The following GALNT13 variants were observed in gnomAD, a reference collection of about 807,000 sequenced individuals.
The protein encoded by GALNT13 is UDP-GalNAc:polypeptide N-acetylgalactosaminyltransferase 13.
Under a neutral mutation model 64.2 loss-of-function variants are expected in GALNT13, and 28 were observed. That is an observed-to-expected ratio of 0.44 (90% CI 0.32 to 0.60). GALNT13 has a LOEUF of 0.60. GALNT13 is among the 20% of genes least tolerant of loss of function. GALNT13 has a pLI of 0.05. For missense variants in GALNT13, 577 were observed against 669.8 expected (o/e 0.86, Z 1.53); for synonymous variants, 214 against 224.6 (o/e 0.95, Z 0.42).
intron 3 of GALNT13, among the ~76,000 whole-genome samples, chr2:153,996,322 C>T (rs562496175): frequency 6.6e-6 from 1 of 152,240 alleles, no homozygotes; most frequent in Non-Finnish European, 1.5e-5. Context: ...TCTTTCTCCA[C>T]ACCCTTGCCA....
the GALNT13 span, among the ~76,000 whole-genome samples, chr2:153,096,507 T>G: frequency 5.9e-4 from 90 of 152,330 alleles, 1 homozygote; most frequent in South Asian, 5.0e-3. Context: ...TATTTCTCTC[T>G]TTAGCTCTAA....
the GALNT13 span, among the ~76,000 whole-genome samples, chr2:153,247,596 T>C: frequency 4.0e-5 from 6 of 151,866 alleles, no homozygotes; most frequent in Admixed American, 3.3e-4. Flanking sequence ...TAGCACTAAA[T>C]GCCCACATCA....
chr2:153,656,149 C>A, the GALNT13 span, among the ~76,000 whole-genome samples: 1 of 152,184 alleles, frequency 6.6e-6, no homozygotes, highest in Non-Finnish European at 1.5e-5. Flanking sequence ...CTTGCTAATT[C>A]TGCATGTATT....
the GALNT13 span, among the ~76,000 whole-genome samples, chr2:153,730,486 C>T: frequency 0.019 from 2,928 of 151,578 alleles, 95 homozygotes; most frequent in African/African-American, 0.067. Flanking sequence ...CTTTAAAGGT[C>T]CTATAGGAAA....
chr2:153,337,261 T>C, the GALNT13 span, among the ~76,000 whole-genome samples: 2 of 152,228 alleles, frequency 1.3e-5, no homozygotes, highest in Non-Finnish European at 2.9e-5. Context: ...ATAGTTTACT[T>C]AGAATCAGTG....
the GALNT13 span, among the ~76,000 whole-genome samples, chr2:153,797,724 C>G: frequency 5.9e-5 from 9 of 152,148 alleles, no homozygotes; most frequent in Non-Finnish European, 8.8e-5. Context: ...AGACAAGAAG[C>G]TTTGAAGTAA....
At chr2:154,166,861 G>T (rs898485103) in intron 4 of GALNT13, among the ~76,000 whole-genome samples, 6 of 151,978 alleles carry the variant, frequency 3.9e-5, no homozygotes, top group Non-Finnish European at 1.5e-5. Context: ...ATCATTCTGA[G>T]CAAACTATCG....
At chr2:153,184,326 C>A in the GALNT13 span, among the ~76,000 whole-genome samples, 1 of 152,096 alleles carries the variant, frequency 6.6e-6, no homozygotes, top group South Asian at 2.1e-4. Flanking sequence ...AATTTTGTAT[C>A]CAGAGACATT....
the GALNT13 span, among the ~76,000 whole-genome samples, chr2:153,519,493 G>A: frequency 6.6e-6 from 1 of 152,088 alleles, no homozygotes; most frequent in African/African-American, 2.4e-5. Context: ...CAGAAGCATT[G>A]TCTTTTTTTT....
intron 8 of GALNT13, among the ~76,000 whole-genome samples, chr2:154,279,298 G>A (rs1691829818): frequency 6.6e-6 from 1 of 152,092 alleles, no homozygotes; most frequent in Admixed American, 6.6e-5. Context: ...CTTAATACGA[G>A]TTCAGGAGAC....
intron 3 of GALNT13, among the ~76,000 whole-genome samples, chr2:154,036,853 C>T (rs1481109136): frequency 6.6e-6 from 1 of 151,936 alleles, no homozygotes; most frequent in Non-Finnish European, 1.5e-5. Flanking sequence ...ATCTTTGTTC[C>T]ACCCAAGGAA....
chr2:153,433,567 A>C, the GALNT13 span, among the ~76,000 whole-genome samples: 1 of 152,144 alleles, frequency 6.6e-6, no homozygotes, highest in Non-Finnish European at 1.5e-5. Flanking sequence ...GTAAAGTTTC[A>C]GACTTTAATA....
At chr2:153,227,661 C>T in the GALNT13 span, among the ~76,000 whole-genome samples, 41 of 152,234 alleles carry the variant, frequency 2.7e-4, no homozygotes, top group East Asian at 7.7e-4. Flanking sequence ...TTTTAGTATA[C>T]GCTTGGCTGC....
the GALNT13 span, among the ~76,000 whole-genome samples, chr2:153,388,892 T>C: frequency 1.3e-5 from 2 of 152,052 alleles, no homozygotes; most frequent in Admixed American, 1.3e-4. Flanking sequence ...CTGGGGTTGA[T>C]TGATTTAAAA....
chr2:153,467,346 G>A, the GALNT13 span, among the ~76,000 whole-genome samples: 493 of 152,008 alleles, frequency 3.2e-3, 6 homozygotes, highest in Non-Finnish European at 3.7e-3. Flanking sequence ...ATTTTTCTGC[G>A]TATCCCCTAT....
chr2:154,367,121 T>A (rs775345), intron 9 of GALNT13, among the ~76,000 whole-genome samples: 150,997 of 152,258 alleles, frequency 0.99, 74,891 homozygotes, highest in Middle Eastern at 1. Context: ...AATTCACTTT[T>A]TACAGTGTAG....
At chr2:153,272,360 C>A in the GALNT13 span, among the ~76,000 whole-genome samples, 2 of 151,636 alleles carry the variant, frequency 1.3e-5, no homozygotes, top group African/African-American at 4.8e-5. Flanking sequence ...TGCAGTCTAT[C>A]CAACTGACAA....
chr2:154,166,280 C>T (rs1013574067), intron 4 of GALNT13, among the ~76,000 whole-genome samples: 1 of 152,120 alleles, frequency 6.6e-6, no homozygotes, highest in African/African-American at 2.4e-5. Flanking sequence ...TGGCATGTGC[C>T]TGTAATCCTA....
the GALNT13 span, among the ~76,000 whole-genome samples, chr2:153,279,042 T>G: frequency 3.3e-5 from 5 of 152,190 alleles, no homozygotes; most frequent in Non-Finnish European, 7.4e-5. Context: ...TCATTAGCAT[T>G]TTGTAGTTTC....
Sources: gnomAD v4.1 joint callset for allele counts (sites outside exome capture counted in the v4.1 genomes callset) on GRCh38, gnomAD v4.1.1 for gene constraint, MANE v1.5 for transcripts, NCBI Gene and HGNC (gene_info 2026-07-23, HGNC 2026-07-21) for gene names.